The following SYNDIG1 variants were observed in gnomAD, a reference collection of about 807,000 sequenced individuals.
SYNDIG1 encodes the protein synapse differentiation inducing 1, also known as synapse differentiation-inducing gene protein 1.
A neutral mutation model predicts 19.4 loss-of-function variants in SYNDIG1; 9 were observed. The observed-to-expected ratio is 0.46, with a 90% CI of 0.28 to 0.81. The LOEUF (loss-of-function observed/expected upper bound fraction) is 0.81, where lower values mean the gene tolerates loss of function less well. Among genes scored for constraint, SYNDIG1 ranks in the 30% least tolerant of loss-of-function variants. The pLI, the probability that SYNDIG1 is intolerant of heterozygous loss-of-function variation, is 0.12. For missense variants in SYNDIG1, 311 were observed against 343.3 expected, an observed-to-expected ratio of 0.91 and a Z score of 0.74; for synonymous variants, 141 against 145.9, an observed-to-expected ratio of 0.97 and a Z score of 0.24.
chr20:24,648,278 C>T (rs925435910), intron 3 of SYNDIG1, among the ~76,000 whole-genome samples: 1 of 152,168 alleles, frequency 6.6e-6, no homozygotes, highest in Non-Finnish European at 1.5e-5. Context: ...GGGCACTTTT[C>T]CTTTTAAGAC....
chr20:24,614,652 G>A (rs1369898463), intron 3 of SYNDIG1, among the ~76,000 whole-genome samples: 1 of 152,008 alleles, frequency 6.6e-6, no homozygotes, highest in Non-Finnish European at 1.5e-5. Context: ...GAGGGGAAAG[G>A]AGGGAGGGAG....
intron 2 of SYNDIG1, 150 bp downstream of exon 2, chr20:24,543,727 T>C (rs775582739): frequency 1.7e-4 from 191 of 1,128,630 alleles, no homozygotes; most frequent in Non-Finnish European, 2.2e-4. Context: ...CCCTTCACTC[T>C]TGAGTGCTTA....
At chr20:24,604,074 A>C (rs985256278) in intron 3 of SYNDIG1, among the ~76,000 whole-genome samples, 2 of 152,140 alleles carry the variant, frequency 1.3e-5, no homozygotes, top group Non-Finnish European at 2.9e-5. Flanking sequence ...TGTTCTCTCT[A>C]AACCTTGTCA....
At chr20:24,473,922 G>A (rs933028429) in intron 1 of SYNDIG1, among the ~76,000 whole-genome samples, 1 of 152,168 alleles carries the variant, frequency 6.6e-6, no homozygotes, top group African/African-American at 2.4e-5. Context: ...GTTTGTCTAA[G>A]ATCATTCAAC....
chr20:24,626,023 T>C (rs141945177), intron 3 of SYNDIG1, among the ~76,000 whole-genome samples: 87,293 of 145,382 alleles, frequency 0.6, 25,929 homozygotes, highest in Admixed American at 0.66. Flanking sequence ...CCGGACGGGG[T>C]GGCTGGCCAG....
intron 3 of SYNDIG1, among the ~76,000 whole-genome samples, chr20:24,640,340 A>G (rs755275364): frequency 1.7e-4 from 25 of 143,858 alleles, no homozygotes; most frequent in Non-Finnish European, 3.4e-4. Context: ...AGAGAAAGAG[A>G]GAGACATTGA....
rs2057496773 is a variant in SYNDIG1 at position 24,543,036 on chromosome 20, G to A, written c.-62G>A. The A allele has an allele frequency of 2.6e-6, 4 of 1,561,328 alleles. No homozygotes were observed. The highest frequency in any genetic ancestry group is 1.8e-4 in the Middle Eastern group (1 of 5,514). ...CTCCTCCAGGAGAAATGGCTTCCCT[G>A]AGGCAAGTGTAACCTACATTCCCAG... is the stretch of plus-strand genomic sequence containing the variant. On this transcript the variant is annotated 5_prime_UTR_variant, in exon 2 of 4. Coordinates refer to ENST00000376862, the MANE Select transcript of SYNDIG1 (RefSeq NM_024893.3).
intron 1 of SYNDIG1, among the ~76,000 whole-genome samples, chr20:24,507,326 G>A (rs1296035230): frequency 5.9e-5 from 9 of 152,340 alleles, no homozygotes; most frequent in Admixed American, 4.6e-4. Context: ...ACACACAGCC[G>A]GGCACCAGGA....
chr20:24,661,214 AG>A (rs2059582150), intron 3 of SYNDIG1, among the ~76,000 whole-genome samples: 1 of 150,700 alleles, frequency 6.6e-6, no homozygotes, highest in African/African-American at 2.4e-5. Context: ...TCACCATCCT[AG>A]GGTGTGTCTC....
chr20:24,661,281 G>A lies in SYNDIG1; in HGVS notation c.619-4065G>A, dbSNP rs115280936. 1.7e-3 allele frequency among the ~76,000 whole-genome samples: 246 copies of A among 144,060 alleles called. 1 individual carries two copies. The highest frequency in any genetic ancestry group is 5.9e-3 in the African/African-American group (236 of 39,820). 94.5% of individuals were successfully genotyped at this position (144,060 alleles called of 152,430 possible). A position where few individuals can be genotyped will look rare whatever the true frequency, so the allele number is the denominator to read the frequency against. On this transcript the variant is annotated intron_variant, in intron 3 of 3. Transcript: ENST00000376862. ...AGCTGGACCTTCTGTTACAGAGCAA[G>A]TGAGCAGAAGAAAGAAGGAGGGAGG...
At chr20:24,606,075 TC>T (rs1423861666) in intron 3 of SYNDIG1, among the ~76,000 whole-genome samples, 1 of 152,380 alleles carries the variant, frequency 6.6e-6, no homozygotes, top group East Asian at 1.9e-4. Context: ...TCCCTCGGCT[TC>T]TGGTCACTAT....
At chr20:24,556,222 T>C (rs2057813094) in intron 2 of SYNDIG1, among the ~76,000 whole-genome samples, 1 of 152,212 alleles carries the variant, frequency 6.6e-6, no homozygotes, top group African/African-American at 2.4e-5. Flanking sequence ...ATGGGTTTCC[T>C]GAATACAGCA....
At chr20:24,508,198 A>T (rs1568595544) in intron 1 of SYNDIG1, among the ~76,000 whole-genome samples, 2 of 151,526 alleles carry the variant, frequency 1.3e-5, no homozygotes, top group Non-Finnish European at 2.9e-5. Flanking sequence ...GTAAGTGGAA[A>T]ATTAAAATTA....
chr20:24,520,934 C>T (rs977558436), intron 1 of SYNDIG1, among the ~76,000 whole-genome samples: 1 of 152,138 alleles, frequency 6.6e-6, no homozygotes, highest in Non-Finnish European at 1.5e-5. Context: ...CAGAACTTAC[C>T]ACCATCCTAA....
intron 1 of SYNDIG1, among the ~76,000 whole-genome samples, chr20:24,533,578 C>G (rs2057303002): frequency 6.6e-6 from 1 of 151,878 alleles, no homozygotes; most frequent in Non-Finnish European, 1.5e-5. Context: ...CACCGAGGAC[C>G]AAGGAGGGAA....
At chr20:24,518,117 C>T (rs2056926240) in intron 1 of SYNDIG1, among the ~76,000 whole-genome samples, 1 of 151,796 alleles carries the variant, frequency 6.6e-6, no homozygotes, top group Non-Finnish European at 1.5e-5. Flanking sequence ...AGCCCACTAG[C>T]CAAAGACCAA....
chr20:24,626,039 G>A (rs1183332691), intron 3 of SYNDIG1, among the ~76,000 whole-genome samples: 8 of 149,430 alleles, frequency 5.4e-5, no homozygotes, highest in Non-Finnish European at 1.0e-4. Flanking sequence ...GCCAGGTGGG[G>A]GGCTGACTCC....
intron 2 of SYNDIG1, among the ~76,000 whole-genome samples, chr20:24,572,808 A>G (rs1186879308): frequency 6.6e-6 from 1 of 152,174 alleles, no homozygotes; most frequent in East Asian, 1.9e-4. Flanking sequence ...AACTGTAACA[A>G]CTGATAGTGC....
intron 1 of SYNDIG1, among the ~76,000 whole-genome samples, chr20:24,523,018 T>A (rs2057037283): frequency 6.6e-6 from 1 of 152,196 alleles, no homozygotes; most frequent in African/African-American, 2.4e-5. Flanking sequence ...GGTGATCACA[T>A]TTCAATATGA....
Sources: allele counts gnomAD v4.1 joint callset (sites outside exome capture counted in the v4.1 genomes callset), GRCh38; gene constraint gnomAD v4.1.1; transcripts MANE v1.5; gene names NCBI Gene and HGNC (gene_info 2026-07-23, HGNC 2026-07-21).